Variants in BICRA observed in about 807,000 individuals in gnomAD.
BICRA encodes the protein BRD4 interacting chromatin remodeling complex associated protein.
Under a neutral mutation model 96.9 loss-of-function variants are expected in BICRA, and 31 were observed. The ratio of observed to expected loss-of-function variants is 0.32; its 90% CI spans 0.24 to 0.43. The LOEUF is 0.43. Ranked by LOEUF, BICRA falls within the 20% of genes least tolerant of loss-of-function variation. The pLI is 1.00. For synonymous variants in BICRA, 1,350 were observed against 1,071.8 expected, an observed-to-expected ratio of 1.26 and a Z score of -5.07; for missense variants, 2,283 against 2,190.3, an observed-to-expected ratio of 1.04 and a Z score of -0.84.
intron 1 of BICRA, among the ~76,000 whole-genome samples, chr19:47,653,014 TC>T (rs1972562576): frequency 2.0e-5 from 3 of 147,160 alleles, no homozygotes; most frequent in Admixed American, 6.7e-5. Context: ...ACGTCCTCAT[TC>T]TTTTTTTTTT....
chr19:47,671,106 A>G (rs961241142), intron 2 of BICRA, among the ~76,000 whole-genome samples: 1 of 152,192 alleles, frequency 6.6e-6, no homozygotes, highest in South Asian at 2.1e-4. Context: ...ACCCACATGC[A>G]TGTTTTGGCA....
Position 47,680,457 on chromosome 19 carries a change from C to G in BICRA, c.1287C>G (p.Ala429=). Residue 429 remains alanine, a synonymous_variant, in exon 6 of 15, where the codon GCC becomes GCG. Coordinates refer to ENST00000594866, the MANE Select transcript of BICRA (RefSeq NM_001394372.1). ...CGAACGTCTTCAAGCAGCCACCGGC[C>G]ACCACCACCGGAGCGGCCCCGCCGC... is the stretch of plus-strand genomic sequence containing the variant. ...LQANVFKQPP[A]TTTGAAPPQP... is the part of the protein sequence containing the mutation. 1 of 1,540,044 alleles carries G rather than the reference C, an allele frequency of 6.5e-7. No individual in the cohort carries two copies.
chr19:47,613,439 C>G (rs1395396988), intron 1 of BICRA, among the ~76,000 whole-genome samples: 3 of 152,112 alleles, frequency 2.0e-5, no homozygotes, highest in Admixed American at 1.3e-4. Flanking sequence ...CATTTCCCTT[C>G]TCCCGCCCTG....
chr19:47,677,495 G>A (rs995063347), intron 5 of BICRA, among the ~76,000 whole-genome samples: 4 of 152,138 alleles, frequency 2.6e-5, no homozygotes, highest in South Asian at 2.1e-4. Context: ...TCGGGAGTTC[G>A]AGACCAGCCT....
intron 1 of BICRA, among the ~76,000 whole-genome samples, chr19:47,632,353 C>T (rs904535555): frequency 6.6e-6 from 1 of 152,234 alleles, no homozygotes; most frequent in African/African-American, 2.4e-5. Flanking sequence ...CTCTGGGGAC[C>T]TTGGCAGGAG....
At chr19:47,666,276 T>TTC (rs1315092009) in intron 1 of BICRA, among the ~76,000 whole-genome samples, 3 of 138,524 alleles carry the variant, frequency 2.2e-5, no homozygotes, top group African/African-American at 8.5e-5. Context: ...CCCAATTTCT[T>TTC]TTTTTCTTTT....
At chr19:47,609,845 C>T (rs934793031) in intron 1 of BICRA, among the ~76,000 whole-genome samples, 1 of 151,998 alleles carries the variant, frequency 6.6e-6, no homozygotes, top group Non-Finnish European at 1.5e-5. Flanking sequence ...GGGCTCCCCC[C>T]TTCGCACCGC....
chr19:47,621,736 T>C (rs1438193602), intron 1 of BICRA, among the ~76,000 whole-genome samples: 2 of 152,124 alleles, frequency 1.3e-5, no homozygotes, highest in African/African-American at 4.8e-5. Context: ...CCCAAAGTGC[T>C]GGGATTACAG....
rs199973579 is a variant in BICRA at position 47,698,710 on chromosome 19, G to A, written c.3325G>A (p.Asp1109Asn). Residue 1109 changes from aspartate (D) to asparagine (N), a missense_variant, in exon 12 of 15, where the codon GAC becomes AAC. Coordinates refer to ENST00000594866, the MANE Select transcript of BICRA (RefSeq NM_001394372.1). This position sits in a 1 kb window ranked among gnomAD's most constrained non-coding sequence, Gnocchi z 4.8. Reference sequence around the variant, plus strand: ...CAAGACGGCCTTCCCCTCCTTTGAGGACGCCCTGCATCGCCTCCTGCCCTA... The same window carrying A: ...CAAGACGGCCTTCCCCTCCTTTGAGAACGCCCTGCATCGCCTCCTGCCCTA... ...DYKTAFPSFE[D>N]ALHRLLPYHV... The A allele has an allele frequency of 3.5e-3, 5,696 of 1,605,368 alleles. 16 individuals carry two copies. Among genetic ancestry groups the A allele is most frequent in the Non-Finnish European group, 4.0e-3 (4,745 of 1,172,212 alleles).
intron 7 of BICRA, among the ~76,000 whole-genome samples, chr19:47,683,661 T>G (rs914285879): frequency 2.6e-5 from 4 of 151,664 alleles, no homozygotes; most frequent in Non-Finnish European, 2.9e-5. Flanking sequence ...CTCTGCTCAC[T>G]GCAAGCTCCG....
intron 1 of BICRA, among the ~76,000 whole-genome samples, chr19:47,646,620 C>T (rs1346367492): frequency 1.3e-5 from 2 of 152,136 alleles, no homozygotes; most frequent in Admixed American, 6.6e-5. Context: ...TTCGTTTAAT[C>T]CTCCTGACAG....
chr19:47,694,620 C>A lies in BICRA; in HGVS notation c.2789C>A (p.Pro930His). ...CCCCCTCCAACCCTCCACCTGGTCC[C>A]TGAGCCGGCAGCACCCCCCCCACCG... ...PTPPPTLHLVPEPAAPPPPPP... is the reference protein window; with the variant it reads ...PTPPPTLHLVHEPAAPPPPPP... Residue 930 changes from proline (P) to histidine (H), a missense_variant, in exon 8 of 15, where the codon CCT becomes CAT. Physicochemically the swap from Pro to His is moderately conservative, Grantham distance 77. Transcript: ENST00000594866. 1 of 1,574,154 alleles carries A rather than the reference C, an allele frequency of 6.4e-7. No individual in the cohort carries two copies. The highest frequency in any genetic ancestry group is 8.7e-7 in the Non-Finnish European group (1 of 1,145,000).
At chr19:47,608,608 C>T (rs1011592005), upstream of BICRA, among the ~76,000 whole-genome samples, 7 of 152,162 alleles carry the variant, frequency 4.6e-5, no homozygotes, top group Non-Finnish European at 8.8e-5. Context: ...CGGATCAGGG[C>T]TCGAGGCAGT....
At chr19:47,657,720 C>T (rs1488651677) in intron 1 of BICRA, among the ~76,000 whole-genome samples, 3 of 152,072 alleles carry the variant, frequency 2.0e-5, no homozygotes, top group African/African-American at 7.2e-5. Flanking sequence ...TGTACAGGTG[C>T]TTTTGTGGAC....
chr19:47,614,303 A>G (rs1971952732), intron 1 of BICRA, among the ~76,000 whole-genome samples: 1 of 151,910 alleles, frequency 6.6e-6, no homozygotes. Context: ...ATGTACTTTT[A>G]TATATGGATG....
chr19:47,645,509 A>G (rs1244289136), intron 1 of BICRA, among the ~76,000 whole-genome samples: 1 of 152,224 alleles, frequency 6.6e-6, no homozygotes. Flanking sequence ...TATTGGGGTC[A>G]TATAATTTCA....
At chr19:47,681,406 A>G (rs940532580) in intron 6 of BICRA, 130 bp downstream of exon 6, 12 of 830,244 alleles carry the variant, frequency 1.4e-5, no homozygotes, top group Non-Finnish European at 2.1e-5. Context: ...GGTCTCAGTC[A>G]TGGCACAGGT....
intron 5 of BICRA, 49 bp from the exon 6 acceptor site, chr19:47,679,272 G>C: frequency 7.3e-7 from 1 of 1,369,046 alleles, no homozygotes; most frequent in South Asian, 1.7e-5. Context: ...CCTAAGCGTA[G>C]CCCCTTGCTA....
At chr19:47,618,154 G>A (rs1337604417) in intron 1 of BICRA, among the ~76,000 whole-genome samples, 2 of 152,178 alleles carry the variant, frequency 1.3e-5, no homozygotes, top group East Asian at 3.8e-4. Flanking sequence ...CATGCAGTGT[G>A]GGGTACAGGT....
Sources: gnomAD v4.1 joint callset for allele counts (sites outside exome capture counted in the v4.1 genomes callset) on GRCh38, gnomAD v4.1.1 for gene constraint, Gnocchi (gnomAD v3.1) non-coding constraint, MANE v1.5 for transcripts, NCBI Gene and HGNC (gene_info 2026-07-23, HGNC 2026-07-21) for gene names.